Variants in EIF6 observed in about 807,000 individuals in gnomAD.
The protein encoded by EIF6 is eukaryotic translation initiation factor 6, also known as B4 integrin interactor.
EIF6 carries 10 observed loss-of-function variants against 25.5 expected under a neutral mutation model. The ratio of observed to expected loss-of-function variants is 0.39; its 90% CI spans 0.24 to 0.66. EIF6 has a LOEUF of 0.66. Ranked by LOEUF, EIF6 falls within the 30% of genes least tolerant of loss-of-function variation. The pLI, the probability that EIF6 is intolerant of heterozygous loss-of-function variation, is 0.45. For missense variants in EIF6, 246 were observed against 315.4 expected, an observed-to-expected ratio of 0.78 and a Z score of 1.67; for synonymous variants, 122 against 122.6, an observed-to-expected ratio of 1.00 and a Z score of 0.03.
intron 4 of EIF6, 117 bp downstream of exon 4, chr20:35,280,537 A>AGCCCATATAGAAAAACCACAGGAGAG: frequency 8.1e-7 from 1 of 1,227,646 alleles, no homozygotes; most frequent in South Asian, 1.5e-5. Flanking sequence ...GAAACTCAAG[A>AGCCCATATAGAAAAACCACAGGAGAG]GCCCATATAG....
chr20:35,280,299 T>C (rs1245759109), intron 4 of EIF6, among the ~76,000 whole-genome samples, 181 bp from the exon 5 acceptor site: 1 of 152,196 alleles, frequency 6.6e-6, no homozygotes, highest in Non-Finnish European at 1.5e-5. Flanking sequence ...CAAGGGCAGC[T>C]GTGAAGCCCC....
At position 35,279,217 on chromosome 20, in the gene EIF6, A is replaced by G. The variant is rs753867604; in HGVS notation, c.729-11T>C. Reference sequence around the variant, plus strand: ...GTGACTCAGGTGAGGCTGAAGAGAAAGGAAAGCGCACGGTCAGTAGCTGTT... The same window carrying G: ...GTGACTCAGGTGAGGCTGAAGAGAAGGGAAAGCGCACGGTCAGTAGCTGTT... On this transcript the variant is annotated splice_polypyrimidine_tract_variant and intron_variant, in intron 6 of 6. Coordinates refer to ENST00000374450, the MANE Select transcript of EIF6 (RefSeq NM_002212.4). The G allele has an allele frequency of 8.7e-6, 14 of 1,613,548 alleles. No homozygotes were observed. The highest frequency in any genetic ancestry group is 5.3e-5 in the African/African-American group (4 of 74,866).
At chr20:35,284,616 C>G in intron 1 of EIF6, 110 bp downstream of exon 1, 3 of 1,143,700 alleles carry the variant, frequency 2.6e-6, no homozygotes, top group East Asian at 2.5e-5. Context: ...GTCCTCGGGT[C>G]CCGCCCACTG....
At chr20:35,284,339 C>T (rs1261808897) in intron 2 of EIF6, 42 bp downstream of exon 2, 2 of 1,613,782 alleles carry the variant, frequency 1.2e-6, no homozygotes, top group African/African-American at 2.7e-5. Context: ...GACTCCTGCG[C>T]ACGCCTCCCC....
rs146617737 is a variant in EIF6 at position 35,284,479 on chromosome 20, G to C, written c.9C>G (p.Val3=). The change falls in exon 2 of 7, where the codon GTC becomes GTG. Residue 3 remains valine, a synonymous_variant. Coordinates refer to ENST00000374450, the MANE Select transcript of EIF6 (RefSeq NM_002212.4). MA[V]RASFENNCEI... ...CACAGTTGTTCTCGAACGAAGCTCG[G>C]ACCGCCATGAGGCCTAGGGGCGGCG... is the stretch of plus-strand genomic sequence containing the variant. The C allele has an allele frequency of 1.1e-4, 184 of 1,607,750 alleles. 1 individual carries two copies. The African/African-American group carries it at 2.2e-3, about 20-fold the overall frequency.
chr20:35,281,956 A>G lies in EIF6; in HGVS notation c.194-1127T>C, dbSNP rs569383046. Among the ~76,000 whole-genome samples, 143 of 151,700 alleles carry G rather than the reference A, an allele frequency of 9.4e-4. 2 individuals carry two copies. In the South Asian group the frequency reaches 0.011, roughly 11 times the overall value. ...TCATATACCCAGTAGAAATATGTAC[A>G]TGTGTTCACTAAAAAAACATAGCAG... On this transcript the variant is annotated intron_variant, in intron 3 of 6. Transcript: ENST00000374450.
At chr20:35,281,254 C>T (rs969522333) in intron 3 of EIF6, among the ~76,000 whole-genome samples, 5 of 151,618 alleles carry the variant, frequency 3.3e-5, no homozygotes, top group Non-Finnish European at 7.4e-5. Context: ...GGCGTGGTGG[C>T]GGGCGCCTGT....
intron 6 of EIF6, 103 bp from the exon 7 acceptor site, chr20:35,279,309 C>G: frequency 6.8e-7 from 1 of 1,468,326 alleles, no homozygotes; most frequent in Admixed American, 1.9e-5. Flanking sequence ...CCAGCTCTGA[C>G]AAGCTGCTCA....
intron 1 of EIF6, 106 bp from the exon 2 acceptor site, chr20:35,284,598 G>A: frequency 7.4e-7 from 1 of 1,342,894 alleles, no homozygotes; most frequent in East Asian, 2.4e-5. Context: ...CGGCCTCCCG[G>A]CCCCTCCGTC....
In EIF6 at chr20:35,284,245, G is replaced by T; in HGVS notation, c.124C>A (p.Leu42Ile). The T allele has an allele frequency of 6.2e-7, 1 of 1,612,582 alleles. No homozygotes were observed. The highest frequency in any genetic ancestry group is 8.5e-7 in the Non-Finnish European group (1 of 1,179,762). Residue 42 changes from leucine (L) to isoleucine (I), a missense_variant, in exon 3 of 7, where the codon CTC becomes ATC. By Grantham distance (5) the Leu-to-Ile change is conservative (BLOSUM62 2). Coordinates refer to ENST00000374450, the MANE Select transcript of EIF6 (RefSeq NM_002212.4). ...TGCACCACGGGGATGGTATCGGAGA[G>T]CTCGCCCTCGAACACACTGTAGGGA... ...ENFYSVFEGELSDTIPVVHAS... is the reference protein window; with the variant it reads ...ENFYSVFEGEISDTIPVVHAS...
intron 3 of EIF6, among the ~76,000 whole-genome samples, chr20:35,282,444 G>A (rs546485162): frequency 6.6e-6 from 1 of 152,292 alleles, no homozygotes; most frequent in South Asian, 2.1e-4. Context: ...TGAATTCCAG[G>A]TCACTCCCAT....
chr20:35,284,493 C>A lies in EIF6; in HGVS notation c.-5-1G>T. The A allele has an allele frequency of 1.3e-6, 2 of 1,593,592 alleles. No homozygotes were observed. The highest frequency in any genetic ancestry group is 1.7e-6 in the Non-Finnish European group (2 of 1,164,520). On this transcript the variant is annotated splice_acceptor_variant, in intron 1 of 6. Transcript: ENST00000374450. LOFTEE classifies it low-confidence loss of function (5UTR_SPLICE). ...AACGAAGCTCGGACCGCCATGAGGC[C>A]TAGGGGCGGCGGAGGCGGGAGTTCA...
chr20:35,280,547 G>GA, intron 4 of EIF6, 107 bp downstream of exon 4: 1 of 1,372,686 alleles, frequency 7.3e-7, no homozygotes, highest in African/African-American at 1.5e-5. Flanking sequence ...AGCCCATATA[G>GA]AAAAACCACA....
intron 1 of EIF6, 110 bp downstream of exon 1, chr20:35,284,615 TC>T: frequency 8.8e-7 from 1 of 1,135,598 alleles, no homozygotes; most frequent in Non-Finnish European, 1.2e-6. Flanking sequence ...CGTCCTCGGG[TC>T]CCGCCCACTG....
chr20:35,279,791 C>G, intron 5 of EIF6, 44 bp from the exon 6 acceptor site: 1 of 1,609,390 alleles, frequency 6.2e-7, no homozygotes, highest in Non-Finnish European at 8.5e-7. Context: ...ACCAAATTCT[C>G]TCCCTCCTCA....
intron 3 of EIF6, among the ~76,000 whole-genome samples, chr20:35,283,287 CA>C (rs199899332): frequency 2.3e-4 from 32 of 137,102 alleles, no homozygotes; most frequent in African/African-American, 7.5e-4. Context: ...AACTCCATCT[CA>C]AAAAAAAATA....
Position 35,284,240 on chromosome 20 carries a change from G to A in EIF6, c.129C>T (p.Ser43=), listed in dbSNP as rs770214633. Residue 43 remains serine (S), a synonymous_variant, in exon 3 of 7, where the codon TCC becomes TCT. Coordinates refer to ENST00000374450, the MANE Select transcript of EIF6 (RefSeq NM_002212.4). ...ACGCGTGCACCACGGGGATGGTATC[G>A]GAGAGCTCGCCCTCGAACACACTGT... ...NFYSVFEGEL[S]DTIPVVHASI... The A allele has an allele frequency of 6.8e-6, 11 of 1,612,134 alleles. No individual in the cohort carries two copies. Among genetic ancestry groups the A allele is most frequent in the Middle Eastern group, 1.6e-4 (1 of 6,080 alleles).
chr20:35,283,251 A>G (rs931508683), intron 3 of EIF6, among the ~76,000 whole-genome samples: 6 of 152,174 alleles, frequency 3.9e-5, no homozygotes, highest in South Asian at 2.1e-4. Flanking sequence ...GTGCCATTGC[A>G]CTCCAGCCTG....
intron 4 of EIF6, among the ~76,000 whole-genome samples, chr20:35,280,445 C>T (rs1358583035): frequency 6.6e-6 from 1 of 152,202 alleles, no homozygotes; most frequent in Admixed American, 6.5e-5. Context: ...TCAATCTCCC[C>T]AATCATGAAG....
Sources: allele counts gnomAD v4.1 joint callset (sites outside exome capture counted in the v4.1 genomes callset), GRCh38; gene constraint gnomAD v4.1.1; transcripts MANE v1.5; gene names NCBI Gene and HGNC (gene_info 2026-07-23, HGNC 2026-07-21).